SKAP1: variants seen among roughly 807,000 people sequenced by gnomAD.
The protein encoded by SKAP1 is src kinase-associated phosphoprotein 1.
In SKAP1, 44 loss-of-function variants were observed where a neutral mutation model predicts 58.5. The ratio of observed to expected loss-of-function variants is 0.75; its 90% CI spans 0.59 to 0.97. SKAP1 has a LOEUF of 0.97. SKAP1 is among the 50% of genes least tolerant of loss of function. The pLI is 0.00. For missense variants in SKAP1, 390 were observed against 435.2 expected (o/e 0.90, Z 0.92); for synonymous variants, 127 against 149.7 (o/e 0.85, Z 1.11).
intron 4 of SKAP1, among the ~76,000 whole-genome samples, chr17:48,269,784 G>T (rs1056165182): frequency 6.6e-6 from 1 of 152,196 alleles, no homozygotes; most frequent in South Asian, 2.1e-4. Context: ...GTTTAATAAA[G>T]AATTTATTTT....
At chr17:48,184,020 A>G (rs1331996923) in intron 7 of SKAP1, among the ~76,000 whole-genome samples, 2 of 152,212 alleles carry the variant, frequency 1.3e-5, no homozygotes, top group African/African-American at 4.8e-5. Context: ...GCAAACATAC[A>G]TTTTTGGTGA....
At chr17:48,434,038 A>G (rs1003049974), upstream of SKAP1, among the ~76,000 whole-genome samples, 2 of 152,334 alleles carry the variant, frequency 1.3e-5, no homozygotes, top group Non-Finnish European at 2.9e-5. Flanking sequence ...TGCAGAGGGC[A>G]GGCTCTGAGG....
chr17:48,314,571 T>C (rs1362318166), intron 4 of SKAP1, among the ~76,000 whole-genome samples: 1 of 152,164 alleles, frequency 6.6e-6, no homozygotes, highest in Non-Finnish European at 1.5e-5. Flanking sequence ...TAGGAAATTA[T>C]CACAGTGTAC....
intron 4 of SKAP1, among the ~76,000 whole-genome samples, chr17:48,313,509 C>A (rs1288018667): frequency 6.6e-6 from 1 of 152,036 alleles, no homozygotes; most frequent in Non-Finnish European, 1.5e-5. Context: ...CAACAATGCC[C>A]CCTAGGTTTC....
intron 4 of SKAP1, among the ~76,000 whole-genome samples, chr17:48,212,661 T>C (rs922493113): frequency 1.1e-4 from 17 of 152,230 alleles, no homozygotes; most frequent in African/African-American, 3.9e-4. Flanking sequence ...AAAATACAAA[T>C]AATCTGTTTA....
chr17:48,138,836 A>G (rs1159088725), intron 11 of SKAP1, among the ~76,000 whole-genome samples: 2 of 150,694 alleles, frequency 1.3e-5, no homozygotes, highest in Non-Finnish European at 3.0e-5. Flanking sequence ...GCTATTTCTG[A>G]TAGCACCAGA....
upstream of SKAP1, among the ~76,000 whole-genome samples, chr17:48,431,690 C>T (rs2067917529): frequency 6.6e-6 from 1 of 152,218 alleles, no homozygotes; most frequent in Admixed American, 6.5e-5. Context: ...ATCTCCACCT[C>T]TGCCTTTTTC....
intron 4 of SKAP1, among the ~76,000 whole-genome samples, chr17:48,321,347 CATTATTATTATTATTATT>C (rs59389347): frequency 1.5e-3 from 207 of 137,560 alleles, no homozygotes; most frequent in African/African-American, 4.2e-3. Context: ...CCTTCTGTCT[CATTATTATTATTATTATT>C]ATTATTATTA....
At chr17:48,422,905 C>A (rs1363670908) in intron 1 of SKAP1, among the ~76,000 whole-genome samples, 1 of 152,076 alleles carries the variant, frequency 6.6e-6, no homozygotes, top group Non-Finnish European at 1.5e-5. Flanking sequence ...ATAATGAAAG[C>A]AATGACAGAT....
At chr17:48,187,680 G>A (rs1427640785) in intron 6 of SKAP1, among the ~76,000 whole-genome samples, 163 bp downstream of exon 6, 1 of 151,986 alleles carries the variant, frequency 6.6e-6, no homozygotes, top group African/African-American at 2.4e-5. Context: ...CTGCTTTTTC[G>A]GTGATGGGCA....
At chr17:48,181,297 C>A (rs140878776) in intron 8 of SKAP1, among the ~76,000 whole-genome samples, 1 of 152,198 alleles carries the variant, frequency 6.6e-6, no homozygotes, top group African/African-American at 2.4e-5. Context: ...ATGTGGGATT[C>A]TGAAAGTACC....
At position 48,158,581 on chromosome 17, in the gene SKAP1, A is replaced by AAAAAAAG. The variant is rs1287822098; in HGVS notation, c.978+3887_978+3888insCTTTTTT. On this transcript the variant is annotated intron_variant, in intron 11 of 12. Transcript: ENST00000336915. ...AGACTCTGTCTCAAAAAAAAAAAAAAAAAGAAAAAAGAAAAAAAAAGATTC... is the reference window on the plus strand; with the variant it reads ...AGACTCTGTCTCAAAAAAAAAAAAAAAAAAAAGAAAGAAAAAAGAAAAAAAAAGATTC... Among the ~76,000 whole-genome samples, 10 of 148,696 alleles carry AAAAAAAG rather than the reference A, an allele frequency of 6.7e-5. No individual in the cohort carries two copies. In the East Asian group the frequency reaches 2.0e-3, roughly 29 times the overall value.
intron 1 of SKAP1, among the ~76,000 whole-genome samples, chr17:48,415,472 T>TC (rs1361248857): frequency 1.3e-5 from 2 of 152,212 alleles, no homozygotes; most frequent in Non-Finnish European, 2.9e-5. Context: ...TCGTTTTACT[T>TC]CATCAGCCCC....
chr17:48,326,877 A>ATTTC (rs1382060204), intron 4 of SKAP1, among the ~76,000 whole-genome samples: 1 of 149,200 alleles, frequency 6.7e-6, no homozygotes, highest in Non-Finnish European at 1.5e-5. Flanking sequence ...GTGACAAGAA[A>ATTTC]TTTCTTTCTT....
intron 4 of SKAP1, among the ~76,000 whole-genome samples, chr17:48,297,985 A>G (rs2066002561): frequency 6.6e-6 from 1 of 152,144 alleles, no homozygotes; most frequent in Non-Finnish European, 1.5e-5. Flanking sequence ...TGTTTTCAGA[A>G]AGATCTCTTC....
At chr17:48,413,567 T>C (rs1255100832) in intron 1 of SKAP1, among the ~76,000 whole-genome samples, 1 of 143,838 alleles carries the variant, frequency 7.0e-6, no homozygotes, top group African/African-American at 2.7e-5. Context: ...TAAAAGATGA[T>C]GCCACTCACA....
intron 11 of SKAP1, among the ~76,000 whole-genome samples, chr17:48,143,090 A>G (rs575781877): frequency 1.0e-4 from 15 of 147,328 alleles, no homozygotes; most frequent in Non-Finnish European, 1.8e-4. Flanking sequence ...GGAGTGAGCC[A>G]CTGTGCCTGA....
chr17:48,444,991 T>C, the SKAP1 span, among the ~76,000 whole-genome samples: 1 of 152,106 alleles, frequency 6.6e-6, no homozygotes, highest in Non-Finnish European at 1.5e-5. Context: ...CGAGGGTGTT[T>C]CTGAGCTGCA....
At chr17:48,287,240 G>A (rs969979977) in intron 4 of SKAP1, among the ~76,000 whole-genome samples, 19 of 151,942 alleles carry the variant, frequency 1.3e-4, no homozygotes, top group Admixed American at 2.6e-4. Flanking sequence ...CACCTGGTTC[G>A]ACATTTTCAT....
Sources: allele counts gnomAD v4.1 joint callset (sites outside exome capture counted in the v4.1 genomes callset), GRCh38; gene constraint gnomAD v4.1.1; transcripts MANE v1.5; gene names NCBI Gene and HGNC (gene_info 2026-07-23, HGNC 2026-07-21).